CATSPER3: variants seen among roughly 807,000 people sequenced by gnomAD.
CATSPER3 encodes cation channel sperm associated 3.
A neutral mutation model predicts 36.6 loss-of-function variants in CATSPER3; 23 were observed. The observed-to-expected ratio is 0.63, with a 90% CI of 0.45 to 0.89. The LOEUF is 0.89. CATSPER3 is among the 40% of genes least tolerant of loss of function. CATSPER3 has a pLI of 0.00. For missense variants in CATSPER3, 474 were observed against 503.9 expected (o/e 0.94, Z 0.57); for synonymous variants, 172 against 184.1 (o/e 0.93, Z 0.53).
At chr5:134,983,636 A>G (rs1314899896) in intron 2 of CATSPER3, among the ~76,000 whole-genome samples, 1 of 152,218 alleles carries the variant, frequency 6.6e-6, no homozygotes, top group Non-Finnish European at 1.5e-5. Context: ...TGGGGTGGCT[A>G]TACTAATATC....
At chr5:134,987,206 T>C (rs986178271) in intron 2 of CATSPER3, among the ~76,000 whole-genome samples, 1 of 152,022 alleles carries the variant, frequency 6.6e-6, no homozygotes, top group African/African-American at 2.4e-5. Context: ...GCAAAAAGGG[T>C]TATAGGAGAA....
chr5:135,008,778 G>A (rs1752123197), intron 4 of CATSPER3, 63 bp from the exon 5 acceptor site: 1 of 1,473,818 alleles, frequency 6.8e-7, no homozygotes, highest in Admixed American at 1.7e-5. Flanking sequence ...CTCTAGCATA[G>A]GTGAAAAGGA....
At chr5:134,972,745 A>G (rs899152641) in intron 2 of CATSPER3, among the ~76,000 whole-genome samples, 7 of 152,220 alleles carry the variant, frequency 4.6e-5, no homozygotes, top group Non-Finnish European at 7.3e-5. Flanking sequence ...ATAATCCAAG[A>G]AAAGTTACCT....
At chr5:135,006,260 A>G (rs1752084607) in intron 3 of CATSPER3, among the ~76,000 whole-genome samples, 1 of 152,074 alleles carries the variant, frequency 6.6e-6, no homozygotes, top group Non-Finnish European at 1.5e-5. Flanking sequence ...CTCCCAGGAG[A>G]GCGTGTCTGT....
intron 2 of CATSPER3, among the ~76,000 whole-genome samples, chr5:134,977,831 G>C (rs1335932542): frequency 6.6e-6 from 1 of 152,186 alleles, no homozygotes; most frequent in Non-Finnish European, 1.5e-5. Context: ...GCCAGCATCT[G>C]CTTTTGGTGA....
intron 7 of CATSPER3, among the ~76,000 whole-genome samples, chr5:135,011,041 T>C (rs1342280352): frequency 6.6e-6 from 1 of 152,152 alleles, no homozygotes; most frequent in African/African-American, 2.4e-5. Flanking sequence ...TGAGCAGCCA[T>C]TACTGAGCAG....
intron 3 of CATSPER3, among the ~76,000 whole-genome samples, chr5:135,000,385 T>G (rs1677901569): frequency 6.6e-6 from 1 of 152,248 alleles, no homozygotes; most frequent in Non-Finnish European, 1.5e-5. Context: ...AATTCTCTTT[T>G]TTTGTTGTGT....
rs1435534865 is a variant in CATSPER3, at chr5:134,991,318, AG to A, written c.253-4953del. On this transcript the variant is annotated intron_variant, in intron 2 of 7. Coordinates refer to ENST00000282611, the MANE Select transcript of CATSPER3 (RefSeq NM_178019.3). ...CTTCAAATTCATATGGATATGTAAA[AG>A]GCCCCAAATAGCTAAAACAATATTG... 5.7e-4 allele frequency among the ~76,000 whole-genome samples: 87 copies of A among 152,216 alleles called. 1 individual carries two copies. The highest frequency in any genetic ancestry group is 1.5e-5 in the Non-Finnish European group (1 of 68,040).
At chr5:134,976,040 A>G (rs771004013) in intron 2 of CATSPER3, among the ~76,000 whole-genome samples, 1 of 152,260 alleles carries the variant, frequency 6.6e-6, no homozygotes, top group South Asian at 2.1e-4. Context: ...CAAATACTAC[A>G]TGATCTCACT....
chr5:134,970,889 G>A (rs983936475), intron 2 of CATSPER3, among the ~76,000 whole-genome samples: 22 of 152,164 alleles, frequency 1.4e-4, no homozygotes, highest in Non-Finnish European at 2.5e-4. Flanking sequence ...TGGTTTTTAA[G>A]TCTCCTTGAA....
intron 2 of CATSPER3, among the ~76,000 whole-genome samples, chr5:134,984,739 T>G (rs1751788627): frequency 6.6e-6 from 1 of 151,826 alleles, no homozygotes; most frequent in Non-Finnish European, 1.5e-5. Context: ...TAAAGGTGTA[T>G]CTACCATTCA....
At chr5:134,991,036 A>G (rs2149549456) in intron 2 of CATSPER3, among the ~76,000 whole-genome samples, 1 of 152,370 alleles carries the variant, frequency 6.6e-6, no homozygotes, top group South Asian at 2.1e-4. Flanking sequence ...TAAGAAAATT[A>G]TCTTTACAAG....
intron 2 of CATSPER3, among the ~76,000 whole-genome samples, chr5:134,991,470 G>C (rs561009813): frequency 7.0e-4 from 106 of 152,312 alleles, no homozygotes; most frequent in African/African-American, 2.4e-3. Context: ...ATAGAACTGA[G>C]AATCTAGAAA....
intron 2 of CATSPER3, among the ~76,000 whole-genome samples, chr5:134,990,447 G>T (rs1171826249): frequency 6.6e-6 from 1 of 152,194 alleles, no homozygotes; most frequent in Non-Finnish European, 1.5e-5. Flanking sequence ...ATTTATCTCA[G>T]TGAGCAGAGG....
rs757677421 is a variant in CATSPER3, at chr5:135,007,969, G to A, written c.505G>A (p.Ala169Thr). ...YSQGIRTLIT[A>T]VGQTVYTVAS... ...CCCTGCCTTGCAGACGCTGATCACC[G>A]CCGTGGGGCAGACAGTCTACACCGT... is the stretch of plus-strand genomic sequence containing the variant. The change falls in exon 4 of 8, where the codon GCC (alanine) becomes ACC (threonine). Residue 169 changes from alanine to threonine, a missense_variant. Coordinates refer to ENST00000282611, the MANE Select transcript of CATSPER3 (RefSeq NM_178019.3). 11 of 1,613,820 alleles carry A rather than the reference G, an allele frequency of 6.8e-6. No individual in the cohort carries two copies. The highest frequency in any genetic ancestry group is 2.2e-5 in the East Asian group (1 of 44,888).
At chr5:134,977,124 C>G (rs1751684110) in intron 2 of CATSPER3, among the ~76,000 whole-genome samples, 1 of 152,180 alleles carries the variant, frequency 6.6e-6, no homozygotes, top group Admixed American at 6.5e-5. Flanking sequence ...TTCAGTCATG[C>G]TAATCTCTCT....
At position 135,009,477 on chromosome 5, in the gene CATSPER3, T is replaced by G. The variant is rs780658228; in HGVS notation, c.923T>G (p.Leu308Arg). Residue 308 changes from leucine to arginine, a missense_variant, in exon 6 of 8, where the codon CTG becomes CGG. By Grantham distance (102) the Leu-to-Arg change is moderately radical. Coordinates refer to ENST00000282611, the MANE Select transcript of CATSPER3 (RefSeq NM_178019.3). ...CGGCAGCAGGAGGAGATCAGCAGGC[T>G]GATGCACATACAGGTGAGTGGCCCC... ...LQRQQEEISR[L>R]MHIQKNADCT... The G allele has an allele frequency of 2.4e-5, 36 of 1,481,766 alleles. No homozygotes were observed. The highest frequency in any genetic ancestry group is 3.1e-5 in the Non-Finnish European group (35 of 1,115,178). 91.8% of individuals were successfully genotyped at this position (1,481,766 alleles called of 1,614,324 possible). A position where few individuals can be genotyped will look rare whatever the true frequency, so the allele number is the denominator to read the frequency against.
At position 135,008,927 on chromosome 5, in the gene CATSPER3, C is replaced by T. The variant is rs189705723; in HGVS notation, c.762C>T (p.Leu254=). The T allele has an allele frequency of 4.4e-5, 71 of 1,613,862 alleles. 1 individual carries two copies. The East Asian group carries it at 9.1e-4, about 21-fold the overall frequency. ...SRAFTIIFIL[L]ASFIFLNMFV... Reference sequence around the variant, plus strand: ...CATTCACCATCATCTTCATCTTGCTCGCCTCTTTCATCTTCCTCAACATGT... The same window carrying T: ...CATTCACCATCATCTTCATCTTGCTTGCCTCTTTCATCTTCCTCAACATGT... Residue 254 remains leucine, a synonymous_variant, in exon 5 of 8, where the codon CTC becomes CTT. Transcript: ENST00000282611.
At chr5:135,002,745 CG>C (rs1752036973) in intron 3 of CATSPER3, among the ~76,000 whole-genome samples, 1 of 152,178 alleles carries the variant, frequency 6.6e-6, no homozygotes, top group South Asian at 2.1e-4. Flanking sequence ...TTGATTGAAT[CG>C]GCTACTGAAG....
Sources: gnomAD v4.1 joint callset for allele counts (sites outside exome capture counted in the v4.1 genomes callset) on GRCh38, gnomAD v4.1.1 for gene constraint, MANE v1.5 for transcripts, NCBI Gene and HGNC (gene_info 2026-07-23, HGNC 2026-07-21) for gene names.